SLC12A6: variants seen among roughly 807,000 people sequenced by gnomAD.
The protein encoded by SLC12A6 is K-Cl cotransporter 3.
SLC12A6 carries 66 observed loss-of-function variants against 135.3 expected under a neutral mutation model. The ratio of observed to expected loss-of-function variants is 0.49; its 90% CI spans 0.40 to 0.60. The LOEUF (loss-of-function observed/expected upper bound fraction) is 0.60, where lower values mean the gene tolerates loss of function less well. SLC12A6 is among the 20% of genes least tolerant of loss of function. The pLI is 0.00. For synonymous variants in SLC12A6, 513 were observed against 508.8 expected (o/e 1.01, Z -0.11); for missense variants, 1,058 against 1,452.3 (o/e 0.73, Z 4.41).
At chr15:34,256,763 G>A (rs1892776458) in intron 6 of SLC12A6, among the ~76,000 whole-genome samples, 1 of 152,202 alleles carries the variant, frequency 6.6e-6, no homozygotes, top group Non-Finnish European at 1.5e-5. Flanking sequence ...GATAGGAGTA[G>A]CTGGAGGCCG....
chr15:34,307,550 G>C (rs955142256), intron 2 of SLC12A6, among the ~76,000 whole-genome samples: 2 of 152,046 alleles, frequency 1.3e-5, no homozygotes, highest in Admixed American at 6.6e-5. Flanking sequence ...TCAAACTCCT[G>C]GTCTACAGCC....
intron 2 of SLC12A6, among the ~76,000 whole-genome samples, chr15:34,318,224 T>C (rs887374459): frequency 6.6e-6 from 1 of 152,252 alleles, no homozygotes; most frequent in Non-Finnish European, 1.5e-5. Context: ...CTTTTCCAGA[T>C]ATAATCTAAA....
At chr15:34,258,321 C>A (rs1294879793) in intron 5 of SLC12A6, among the ~76,000 whole-genome samples, 1 of 152,158 alleles carries the variant, frequency 6.6e-6, no homozygotes, top group Non-Finnish European at 1.5e-5. Context: ...AAAAACCCAA[C>A]AACTTCACAA....
chr15:34,333,374 C>T (rs977366095), intron 2 of SLC12A6, among the ~76,000 whole-genome samples: 4 of 151,880 alleles, frequency 2.6e-5, no homozygotes, highest in Non-Finnish European at 4.4e-5. Context: ...GGATTACAGG[C>T]GCACGCCGTC....
At chr15:34,249,093 T>C (rs1311559397) in intron 13 of SLC12A6, among the ~76,000 whole-genome samples, 1 of 152,134 alleles carries the variant, frequency 6.6e-6, no homozygotes, top group Non-Finnish European at 1.5e-5. Context: ...GTTCAAATTT[T>C]GTGTTTTAGA....
chr15:34,307,893 G>GAAACTGA, intron 2 of SLC12A6, among the ~76,000 whole-genome samples: 1 of 152,096 alleles, frequency 6.6e-6, no homozygotes, highest in South Asian at 2.1e-4. Flanking sequence ...GTCACAAAAG[G>GAAACTGA]TTACATGTTG....
chr15:34,317,779 G>A (rs1483651040), intron 2 of SLC12A6, among the ~76,000 whole-genome samples: 1 of 152,066 alleles, frequency 6.6e-6, no homozygotes, highest in Non-Finnish European at 1.5e-5. Flanking sequence ...AACTAAAGAC[G>A]CTGCTCACGA....
rs556814429 is a variant in SLC12A6 at position 34,281,720 on chromosome 15, G to A, written c.272-6331C>T. On this transcript the variant is annotated intron_variant, in intron 2 of 25. Coordinates refer to ENST00000354181, the MANE Select transcript of SLC12A6 (RefSeq NM_001365088.1). ...GGAGAATAGCTTGAATTCAGGAGGC[G>A]GAGGTTGCAGTGAGCCAAGATGGCG... Among the ~76,000 whole-genome samples, 18 of 152,072 alleles carry A rather than the reference G, an allele frequency of 1.2e-4. 1 individual carries two copies. The highest frequency in any genetic ancestry group is 9.6e-4 in the East Asian group (5 of 5,194).
rs574506311 is a variant in SLC12A6 at position 34,237,277 on chromosome 15, G to T, written c.2934+142C>A. ...ATTCTACTTAGGGCAACAAATTAGG[G>T]TTTTTTTTTGTTTTTTTTTTGGCAC... On this transcript the variant is annotated intron_variant, in intron 22 of 25. Coordinates refer to ENST00000354181, the MANE Select transcript of SLC12A6 (RefSeq NM_001365088.1). The T allele has an allele frequency of 8.5e-6, 5 of 586,516 alleles. No homozygotes were observed. The Admixed American group carries it at 1.2e-4, about 14-fold the overall frequency. 36.3% of individuals were successfully genotyped at this position (586,516 alleles called of 1,614,324 possible).
Position 34,238,956 on chromosome 15 carries a change from G to A in SLC12A6, c.2632+9C>T. The A allele has an allele frequency of 6.2e-7, 1 of 1,609,598 alleles. No homozygotes were observed. The highest frequency in any genetic ancestry group is 2.2e-5 in the East Asian group (1 of 44,856). ...GGGCCTTTAGGTTTGTATGAGAAAT[G>A]GTTAGTACCAATAAAAGTCTTCCAA... On this transcript the variant is annotated intron_variant, in intron 20 of 25. Coordinates refer to ENST00000354181, the MANE Select transcript of SLC12A6 (RefSeq NM_001365088.1).
In SLC12A6 at chr15:34,251,064, T is replaced by C. The variant is rs760273265; in HGVS notation, c.1334-7A>G. ...TAATTACTCCAAAGATTCTCTGCAG[T>C]GGGAAAAATGGGAATTTAAGCAGCA... On this transcript the variant is annotated splice_region_variant and splice_polypyrimidine_tract_variant and intron_variant, in intron 10 of 25. Transcript: ENST00000354181. The C allele has an allele frequency of 1.3e-6, 2 of 1,580,426 alleles. No individual in the cohort carries two copies. Among genetic ancestry groups the C allele is most frequent in the Non-Finnish European group, 1.7e-6 (2 of 1,151,682 alleles).
At chr15:34,323,440 G>A (rs575045555) in intron 2 of SLC12A6, among the ~76,000 whole-genome samples, 6 of 152,262 alleles carry the variant, frequency 3.9e-5, no homozygotes, top group East Asian at 3.9e-4. Flanking sequence ...TCGGATCAGC[G>A]GCAGCATTAG....
At chr15:34,270,456 A>G (rs1003321521) in intron 3 of SLC12A6, among the ~76,000 whole-genome samples, 4 of 152,158 alleles carry the variant, frequency 2.6e-5, no homozygotes, top group African/African-American at 9.7e-5. Flanking sequence ...TTACTGTATT[A>G]GCCCTTCCTC....
At chr15:34,322,169 C>T (rs1022362632) in intron 2 of SLC12A6, among the ~76,000 whole-genome samples, 34 of 152,010 alleles carry the variant, frequency 2.2e-4, no homozygotes, top group Admixed American at 1.3e-3. Context: ...ACGGATCACC[C>T]GAGGTCAGTT....
chr15:34,313,124 C>G (rs1312959767), intron 2 of SLC12A6, among the ~76,000 whole-genome samples: 2 of 152,234 alleles, frequency 1.3e-5, no homozygotes, highest in Non-Finnish European at 2.9e-5. Context: ...TGTTGGACAT[C>G]TCTCACTTTC....
chr15:34,293,552 C>T (rs1438057989), intron 2 of SLC12A6, among the ~76,000 whole-genome samples: 3 of 152,228 alleles, frequency 2.0e-5, no homozygotes, highest in Non-Finnish European at 4.4e-5. Context: ...GACCTGTCTG[C>T]CTTGGCCTCC....
chr15:34,298,521 T>TA (rs1164260759), intron 2 of SLC12A6, among the ~76,000 whole-genome samples: 2 of 151,698 alleles, frequency 1.3e-5, no homozygotes, highest in African/African-American at 4.8e-5. Flanking sequence ...AAAGCAATGG[T>TA]AAGAGATGTT....
At chr15:34,333,406 T>C (rs1231629255) in intron 2 of SLC12A6, among the ~76,000 whole-genome samples, 2 of 151,982 alleles carry the variant, frequency 1.3e-5, no homozygotes, top group Admixed American at 1.3e-4. Flanking sequence ...ATTTTTTGTA[T>C]TTTTAGTAGA....
intron 2 of SLC12A6, among the ~76,000 whole-genome samples, chr15:34,330,671 A>C (rs8037379): frequency 0.17 from 26,285 of 151,916 alleles, 2,656 homozygotes; most frequent in East Asian, 0.33. Context: ...TGTCTCAAAA[A>C]AAAAACAAAA....
Sources: gnomAD v4.1 joint callset for allele counts (sites outside exome capture counted in the v4.1 genomes callset) on GRCh38, gnomAD v4.1.1 for gene constraint, MANE v1.5 for transcripts, NCBI Gene and HGNC (gene_info 2026-07-23, HGNC 2026-07-21) for gene names.